CRK: variants seen among roughly 807,000 people sequenced by gnomAD.
CRK encodes the protein CRK proto-oncogene, adaptor protein, also known as adapter molecule crk.
In CRK, 4 loss-of-function variants were observed where a neutral mutation model predicts 29.8. The ratio of observed to expected loss-of-function variants is 0.13; its 90% CI spans 0.07 to 0.31. The LOEUF is 0.31. Ranked by LOEUF, CRK falls within the 10% of genes least tolerant of loss-of-function variation. CRK has a pLI of 1.00. For synonymous variants in CRK, 153 were observed against 164.9 expected (o/e 0.93, Z 0.55); for missense variants, 274 against 396.5 (o/e 0.69, Z 2.62).
chr17:1,428,566 C>T (rs2073805007), intron 2 of CRK, among the ~76,000 whole-genome samples: 1 of 141,062 alleles, frequency 7.1e-6, no homozygotes, highest in Admixed American at 7.7e-5. Flanking sequence ...CTCTGTTGCC[C>T]TGGCTAGAGT....
In CRK at chr17:1,421,597, T is replaced by C. The variant is rs930567399; in HGVS notation, c.*1916A>G. ...ATACATTAAATTAGCGTCAACGCGT[T>C]AGTCTGCTTGCGGCCATGTACGGAA... On this transcript the variant is annotated 3_prime_UTR_variant, in exon 3 of 3. Coordinates refer to ENST00000300574, the MANE Select transcript of CRK (RefSeq NM_016823.4). 5 of 152,196 alleles carry C rather than the reference T, an allele frequency of 3.3e-5. No individual in the cohort carries two copies. Among genetic ancestry groups the C allele is most frequent in the African/African-American group, 1.2e-4 (5 of 41,448 alleles). 9.4% of individuals were successfully genotyped at this position (152,196 alleles called of 1,614,324 possible). A position where few individuals can be genotyped will look rare whatever the true frequency, so the allele number is the denominator to read the frequency against.
intron 2 of CRK, among the ~76,000 whole-genome samples, chr17:1,428,881 T>C (rs1470164255): frequency 2.0e-5 from 3 of 151,106 alleles, no homozygotes; most frequent in African/African-American, 7.3e-5. Flanking sequence ...GCCTCACTCT[T>C]GTCACCCAGG....
rs1317469876 is a variant in CRK, at chr17:1,421,460, C to A, written c.*2053G>T. 1 of 152,216 alleles carries A rather than the reference C, an allele frequency of 6.6e-6. No individual in the cohort carries two copies. Among genetic ancestry groups the A allele is most frequent in the African/African-American group, 2.4e-5 (1 of 41,458 alleles). The allele number at this position is 152,216 out of a possible 1,614,324, so 9.4% of individuals were successfully genotyped here. The stretch of plus-strand genomic sequence containing the variant: ...TCAGATGGAATTACATGTAGTATTA[C>A]AAATGTGTTCATTCAACACTAATGA... On this transcript the variant is annotated 3_prime_UTR_variant, in exon 3 of 3. Coordinates refer to ENST00000300574, the MANE Select transcript of CRK (RefSeq NM_016823.4).
At chr17:1,452,056 G>C (rs1206254144) in intron 1 of CRK, among the ~76,000 whole-genome samples, 1 of 152,116 alleles carries the variant, frequency 6.6e-6, no homozygotes, top group Non-Finnish European at 1.5e-5. Flanking sequence ...AGGATATTGA[G>C]GATACGGACC....
intron 1 of CRK, among the ~76,000 whole-genome samples, chr17:1,452,832 C>T (rs531467859): frequency 7.9e-4 from 118 of 149,792 alleles, no homozygotes; most frequent in Non-Finnish European, 1.6e-3. Flanking sequence ...TGACCAGGCA[C>T]AGTGGCTCAC....
At chr17:1,454,281 C>T (rs2074040266) in intron 1 of CRK, among the ~76,000 whole-genome samples, 1 of 152,122 alleles carries the variant, frequency 6.6e-6, no homozygotes, top group Admixed American at 6.6e-5. Flanking sequence ...TGGCTCTTGC[C>T]TGTAATCCCA....
chr17:1,450,086 C>A (rs1208484057), intron 1 of CRK, among the ~76,000 whole-genome samples: 1 of 152,088 alleles, frequency 6.6e-6, no homozygotes, highest in South Asian at 2.1e-4. Context: ...CCTGTAATCC[C>A]AGCTACCTAC....
Position 1,423,100 on chromosome 17 carries a change from G to A in CRK, c.*413C>T, listed in dbSNP as rs927470947. ...CATGATTACTTCACGGGGGTGGAAC[G>A]GAACAGTCTGTCGCCATTTGATAGT... is the stretch of plus-strand genomic sequence containing the variant. On this transcript the variant is annotated 3_prime_UTR_variant, in exon 3 of 3. Transcript: ENST00000300574. 6.7e-5 allele frequency: 28 copies of A among 418,830 alleles called. No individual in the cohort carries two copies. The East Asian group carries it at 7.3e-4, about 11-fold the overall frequency. The allele number at this position is 418,830 out of a possible 1,614,324, so 25.9% of individuals were successfully genotyped here.
chr17:1,428,963 A>G (rs950743240), intron 2 of CRK, among the ~76,000 whole-genome samples: 2 of 151,498 alleles, frequency 1.3e-5, no homozygotes, highest in Admixed American at 1.3e-4. Context: ...CTCCTGCCTC[A>G]GCCTCCTGAG....
chr17:1,433,494 C>A (rs1403531610), intron 2 of CRK, among the ~76,000 whole-genome samples: 3 of 148,690 alleles, frequency 2.0e-5, no homozygotes, highest in Non-Finnish European at 4.5e-5. Flanking sequence ...CACAGGTGCA[C>A]ACCACCACGC....
rs1462665260 is a variant in CRK at position 1,456,182 on chromosome 17, C to A, written c.-65G>T. The A allele has an allele frequency of 4.4e-6, 6 of 1,367,484 alleles. No individual in the cohort carries two copies. The highest frequency in any genetic ancestry group is 1.8e-5 in the South Asian group (1 of 54,644). 84.7% of individuals were successfully genotyped at this position (1,367,484 alleles called of 1,614,324 possible). The stretch of plus-strand genomic sequence containing the variant: ...GCGCGCCCCTCCGGCCCCCGGCGCC[C>A]GCCGCCCAGCGGACCGGCTCCGGTT... On this transcript the variant is annotated 5_prime_UTR_variant, in exon 1 of 3. Transcript: ENST00000300574.
rs1323772816 is a variant in CRK, at chr17:1,425,822, G to T, written c.778-2172C>A. On this transcript the variant is annotated intron_variant, in intron 2 of 2. Transcript: ENST00000300574. ...ACAGAGGCCTGAAGTCACTGTATGG[G>T]TCATAGGATGCTGAGAAAAGGAGGG... 2.0e-5 allele frequency among the ~76,000 whole-genome samples: 3 copies of T among 152,158 alleles called. No individual in the cohort carries two copies. The East Asian group carries it at 5.8e-4, about 29-fold the overall frequency.
chr17:1,455,920 G>A lies in CRK; in HGVS notation c.198C>T (p.Gly66=). The change falls in exon 1 of 3, where the codon GGC becomes GGT. Residue 66 remains glycine (G), a synonymous_variant. Transcript: ENST00000300574. The stretch of plus-strand genomic sequence containing the variant: ...GCGACGGTGGCACCGGCGGGCGCGG[G>A]CCGCTGCTGTTGATGATGTAGTGGG... ...RVSHYIINSS[G]PRPPVPPSPA... is the part of the protein sequence containing the mutation. The A allele has an allele frequency of 1.3e-6, 2 of 1,588,552 alleles. No individual in the cohort carries two copies. The highest frequency in any genetic ancestry group is 2.4e-5 in the East Asian group (1 of 41,984).
Position 1,455,865 on chromosome 17 carries a change from T to C in CRK, c.241+12A>G, listed in dbSNP as rs1489714220. 7 of 1,562,418 alleles carry C rather than the reference T, an allele frequency of 4.5e-6. No homozygotes were observed. In the South Asian group the frequency reaches 8.1e-5, roughly 18 times the overall value. ...ACCCCGCCCAGGGCCCGCCGTCCCG[T>C]CAGTCCCTCACCGGGCGGAGGCTGG... On this transcript the variant is annotated intron_variant, in intron 1 of 2. Coordinates refer to ENST00000300574, the MANE Select transcript of CRK (RefSeq NM_016823.4).
At chr17:1,433,508 G>GATTTTTT (rs1568012299) in intron 2 of CRK, among the ~76,000 whole-genome samples, 3 of 114,368 alleles carry the variant, frequency 2.6e-5, no homozygotes, top group African/African-American at 1.1e-4. Context: ...ACCACGCCTG[G>GATTTTTT]CTTTTTTTTT....
At chr17:1,429,687 A>G (rs1434550084) in intron 2 of CRK, among the ~76,000 whole-genome samples, 1 of 151,922 alleles carries the variant, frequency 6.6e-6, no homozygotes, top group Non-Finnish European at 1.5e-5. Context: ...GTGCTTTGTG[A>G]GGCCCGAGCA....
chr17:1,433,986 C>CA (rs763767297), intron 2 of CRK, among the ~76,000 whole-genome samples: 90 of 152,192 alleles, frequency 5.9e-4, no homozygotes, highest in Non-Finnish European at 1.2e-3. Flanking sequence ...AGGCGTAAGT[C>CA]ACAGCACCTG....
At position 1,422,769 on chromosome 17, in the gene CRK, G is replaced by C. The variant is rs573408956; in HGVS notation, c.*744C>G. ...AAGGCAGAGAGCTGGGAGACTGGCT[G>C]TCCACTTAGTGAATCCAACACTGGC... On this transcript the variant is annotated 3_prime_UTR_variant, in exon 3 of 3. Coordinates refer to ENST00000300574, the MANE Select transcript of CRK (RefSeq NM_016823.4). 2.9e-4 allele frequency: 114 copies of C among 395,966 alleles called. No individual in the cohort carries two copies. The highest frequency in any genetic ancestry group is 4.7e-4 in the Non-Finnish European group (105 of 224,794). The allele number at this position is 395,966 out of a possible 1,614,324, so 24.5% of individuals were successfully genotyped here. A position where few individuals can be genotyped will look rare whatever the true frequency, so the allele number is the denominator to read the frequency against.
intron 1 of CRK, among the ~76,000 whole-genome samples, chr17:1,445,096 C>A (rs2073964485): frequency 6.7e-6 from 1 of 150,252 alleles, no homozygotes; most frequent in Admixed American, 6.7e-5. Flanking sequence ...TGCAGTGAGC[C>A]AAGATCGCGC....
Sources: allele counts gnomAD v4.1 joint callset (sites outside exome capture counted in the v4.1 genomes callset), GRCh38; gene constraint gnomAD v4.1.1; transcripts MANE v1.5; gene names NCBI Gene and HGNC (gene_info 2026-07-23, HGNC 2026-07-21).